N4BP2L2: variants seen among roughly 807,000 people sequenced by gnomAD.
The protein encoded by N4BP2L2 is NEDD4 binding protein 2 like 2, also known as NEDD4-binding protein 2-like 2.
N4BP2L2 carries 50 observed loss-of-function variants against 56.2 expected under a neutral mutation model. The observed-to-expected ratio is 0.89, with a 90% CI of 0.71 to 1.13. The LOEUF (loss-of-function observed/expected upper bound fraction) is 1.13. Among genes scored for constraint, N4BP2L2 ranks in the 50% most tolerant of loss-of-function variants. The probability of loss-of-function intolerance (pLI) is 0.00; values close to 1 mark genes in which losing one functional copy is unlikely to be tolerated. For missense variants in N4BP2L2, 689 were observed against 693.8 expected (o/e 0.99, Z 0.08); for synonymous variants, 203 against 223.6 (o/e 0.91, Z 0.82).
At chr13:32,487,911 G>A (rs1272199730) in intron 6 of N4BP2L2, among the ~76,000 whole-genome samples, 3 of 151,644 alleles carry the variant, frequency 2.0e-5, no homozygotes, top group South Asian at 4.2e-4. Context: ...CAGGCTGGAG[G>A]GCAACAGTGC....
At position 32,443,673 on chromosome 13, in the gene N4BP2L2, A is replaced by C. The variant is rs2076642519; in HGVS notation, c.819T>G (p.Asp273Glu). 1.9e-6 allele frequency: 3 copies of C among 1,609,798 alleles called. No individual in the cohort carries two copies. The South Asian group carries it at 3.3e-5, about 18-fold the overall frequency. ...TTTCTACCTTCATGCCAGAGCAGTC[A>C]TCAGTTGTTACACAGGAAAGGTTTT... is the stretch of plus-strand genomic sequence containing the variant. Residue 273 changes from aspartate to glutamate, a missense_variant, in exon 7 of 10, where the codon GAT (aspartate) becomes GAG (glutamate). Coordinates refer to the N4BP2L2 transcript ENST00000357505.
rs572236599 is a variant in N4BP2L2 at position 32,452,209 on chromosome 13, G to A, written c.366-8083C>T. ...CCCGAGTAGCTGGGATTACAGGCCT[G>A]TGCCACCACACCTGGCTAATTTTGT... On this transcript the variant is annotated intron_variant, in intron 6 of 9. Coordinates refer to the N4BP2L2 transcript ENST00000357505. Among the ~76,000 whole-genome samples the A allele has an allele frequency of 5.3e-5, 8 of 152,146 alleles. No individual in the cohort carries two copies. In the East Asian group the frequency reaches 1.5e-3, roughly 29 times the overall value.
chr13:32,497,737 A>T (rs2089064705), intron 6 of N4BP2L2, among the ~76,000 whole-genome samples: 1 of 152,120 alleles, frequency 6.6e-6, no homozygotes, highest in Admixed American at 6.6e-5. Flanking sequence ...TTGCCACACC[A>T]CTGCCCTGAC....
chr13:32,480,549 C>A (rs754471457), intron 6 of N4BP2L2: 9 of 1,090,266 alleles, frequency 8.3e-6, no homozygotes, highest in Non-Finnish European at 1.1e-5. Context: ...GAAAATCAGA[C>A]GCTAGATCCA....
chr13:32,472,129 A>G (rs888033564), intron 6 of N4BP2L2, among the ~76,000 whole-genome samples: 1 of 152,216 alleles, frequency 6.6e-6, no homozygotes, highest in African/African-American at 2.4e-5. Context: ...TGAACTCTTA[A>G]CAAAGACAAC....
At chr13:32,518,191 A>C (rs1289970854) in intron 5 of N4BP2L2, among the ~76,000 whole-genome samples, 188 bp from the exon 6 acceptor site, 1 of 152,224 alleles carries the variant, frequency 6.6e-6, no homozygotes, top group Non-Finnish European at 1.5e-5. Context: ...ATATTTTAAA[A>C]AGGTATAAAG....
At chr13:32,519,533 G>T (rs1354763030) in intron 5 of N4BP2L2, among the ~76,000 whole-genome samples, 2 of 152,130 alleles carry the variant, frequency 1.3e-5, no homozygotes, top group Non-Finnish European at 2.9e-5. Flanking sequence ...GCAGGTGCCT[G>T]TATGCCCAGC....
intron 6 of N4BP2L2, among the ~76,000 whole-genome samples, chr13:32,471,836 A>C (rs1437114963): frequency 1.3e-5 from 2 of 152,218 alleles, no homozygotes; most frequent in East Asian, 3.8e-4. Flanking sequence ...TCTTTCAGCT[A>C]TTTGTCGCCC....
At chr13:32,528,912 C>A (rs1353804391) in intron 2 of N4BP2L2, among the ~76,000 whole-genome samples, 2 of 152,158 alleles carry the variant, frequency 1.3e-5, no homozygotes, top group African/African-American at 4.8e-5. Context: ...GGTTCCAGGA[C>A]CACACTTGCT....
At chr13:32,517,387 A>C in exon 6 of N4BP2L2, 3 of 994,310 alleles carry the variant, frequency 3.0e-6, no homozygotes, top group Non-Finnish European at 3.6e-6. Context: ...CCCTATACCA[A>C]GTCAGTATTT....
chr13:32,481,456 A>G (rs1417965324), intron 6 of N4BP2L2, among the ~76,000 whole-genome samples: 1 of 152,122 alleles, frequency 6.6e-6, no homozygotes, highest in Non-Finnish European at 1.5e-5. Context: ...CTCTAACTCA[A>G]ATCACTTTCT....
intron 6 of N4BP2L2, among the ~76,000 whole-genome samples, chr13:32,483,746 A>T (rs560380063): frequency 1.1e-3 from 161 of 152,256 alleles, no homozygotes; most frequent in Middle Eastern, 6.8e-3. Context: ...CCTCACCATT[A>T]CATAATACAT....
In N4BP2L2 at chr13:32,487,628, CGCCACTGCACTCCA is replaced by C. The variant is rs528516849; in HGVS notation, c.365+30215_365+30228del. ...AAGAGGTTGCAGTGAGCCAAGATCG[CGCCACTGCACTCCA>C]GCCTGGGCAACAGAACGCGACTCCA... On this transcript the variant is annotated intron_variant, in intron 6 of 9. Transcript: ENST00000357505. Among the ~76,000 whole-genome samples, 159 of 151,268 alleles carry C rather than the reference CGCCACTGCACTCCA, an allele frequency of 1.1e-3. 2 individuals are homozygous for C. Among genetic ancestry groups the C allele is most frequent in the African/African-American group, 3.8e-3 (157 of 41,220 alleles).
intron 6 of N4BP2L2, among the ~76,000 whole-genome samples, chr13:32,501,495 A>C (rs1301016331): frequency 6.6e-6 from 1 of 151,942 alleles, no homozygotes; most frequent in Non-Finnish European, 1.5e-5. Flanking sequence ...GTGTGAAATT[A>C]ATCATACCAA....
chr13:32,468,450 T>A (rs550029930), intron 6 of N4BP2L2, among the ~76,000 whole-genome samples: 2 of 152,356 alleles, frequency 1.3e-5, no homozygotes, highest in South Asian at 4.1e-4. Flanking sequence ...CTCTTTCCTT[T>A]GTTCTGTCAA....
At chr13:32,446,576 T>G in intron 6 of N4BP2L2, 1 of 1,233,570 alleles carries the variant, frequency 8.1e-7, no homozygotes, top group Non-Finnish European at 1.1e-6. Context: ...AGAGACTCAC[T>G]GCAGCACTGG....
In N4BP2L2 at chr13:32,518,083, C is replaced by T. The variant is rs1310021096; in HGVS notation, c.1551-80G>A. On this transcript the variant is annotated intron_variant, in intron 5 of 5. Coordinates refer to ENST00000267068, the Ensembl canonical transcript of N4BP2L2. Reference sequence around the variant, plus strand: ...GATTAACTGTTTTAGAGAAAAAGCACACAAATTCTAAATAATATTTTGTAA... The same window carrying T: ...GATTAACTGTTTTAGAGAAAAAGCATACAAATTCTAAATAATATTTTGTAA... The T allele has an allele frequency of 5.6e-6, 7 of 1,256,326 alleles. No individual in the cohort carries two copies. The Admixed American group carries it at 8.3e-5, about 15-fold the overall frequency. The allele number at this position is 1,256,326 out of a possible 1,614,324, so 77.8% of individuals were successfully genotyped here. A position where few individuals can be genotyped will look rare whatever the true frequency, so the allele number is the denominator to read the frequency against.
chr13:32,438,706 G>A (rs2075813833), exon 8 of N4BP2L2: 1 of 1,610,950 alleles, frequency 6.2e-7, no homozygotes, highest in Non-Finnish European at 8.5e-7. Flanking sequence ...TCCAGTCAAG[G>A]GGAACCACAT....
At chr13:32,446,267 C>A in intron 6 of N4BP2L2, 1 of 848,700 alleles carries the variant, frequency 1.2e-6, no homozygotes, top group Non-Finnish European at 1.7e-6. Flanking sequence ...CACTAATGTA[C>A]CTAGAAACAG....
Sources: allele counts gnomAD v4.1 joint callset (sites outside exome capture counted in the v4.1 genomes callset), GRCh38; gene constraint gnomAD v4.1.1; transcripts MANE v1.5; gene names NCBI Gene and HGNC (gene_info 2026-07-23, HGNC 2026-07-21).